CTNND2: variants seen among roughly 807,000 people sequenced by gnomAD.
CTNND2 encodes catenin delta-2.
A neutral mutation model predicts 144.4 loss-of-function variants in CTNND2; 22 were observed. The ratio of observed to expected loss-of-function variants is 0.15; its 90% CI spans 0.11 to 0.22. The LOEUF (loss-of-function observed/expected upper bound fraction) is 0.22. Among genes scored for constraint, CTNND2 ranks in the 10% least tolerant of loss-of-function variants. The pLI, the probability that CTNND2 is intolerant of heterozygous loss-of-function variation, is 1.00. For synonymous variants in CTNND2, 751 were observed against 695.6 expected (o/e 1.08, Z -1.25); for missense variants, 1,353 against 1,618.8 (o/e 0.84, Z 2.82).
chr5:11,357,401 TATC>T (rs1341544265), intron 8 of CTNND2, among the ~76,000 whole-genome samples: 1 of 151,826 alleles, frequency 6.6e-6, no homozygotes, highest in East Asian at 1.9e-4. Context: ...AGCCTGGAGG[TATC>T]ATGCTAAGTA....
intron 1 of CTNND2, among the ~76,000 whole-genome samples, chr5:11,812,251 T>G (rs1296270067): frequency 6.6e-6 from 1 of 152,206 alleles, no homozygotes; most frequent in Non-Finnish European, 1.5e-5. Context: ...TGCTTTTTCT[T>G]GCTTTTCCAG....
chr5:11,355,101 A>G (rs1755724730), intron 8 of CTNND2, among the ~76,000 whole-genome samples: 1 of 152,200 alleles, frequency 6.6e-6, no homozygotes, highest in Non-Finnish European at 1.5e-5. Context: ...AAGCAGTTAT[A>G]AGAAGGAGTT....
intron 3 of CTNND2, among the ~76,000 whole-genome samples, chr5:11,523,842 C>A (rs897619422): frequency 1.6e-4 from 24 of 152,172 alleles, no homozygotes; most frequent in African/African-American, 5.6e-4. Context: ...GGGCTTACAA[C>A]AATGAGCCCA....
intron 9 of CTNND2, among the ~76,000 whole-genome samples, chr5:11,269,783 TCCC>T (rs1745808428): frequency 6.6e-6 from 1 of 151,996 alleles, no homozygotes; most frequent in Admixed American, 6.6e-5. Context: ...GTAAAATCCC[TCCC>T]CCCTCAGAAT....
At chr5:11,483,295 G>T (rs1768458480) in intron 3 of CTNND2, among the ~76,000 whole-genome samples, 1 of 152,188 alleles carries the variant, frequency 6.6e-6, no homozygotes, top group African/African-American at 2.4e-5. Context: ...ACCTGGGAAA[G>T]GCCACTCAGG....
intron 2 of CTNND2, among the ~76,000 whole-genome samples, chr5:11,726,056 G>T (rs1403256940): frequency 6.6e-6 from 1 of 152,070 alleles, no homozygotes; most frequent in Non-Finnish European, 1.5e-5. Context: ...AATTAATGAT[G>T]ACATATTTTC....
At chr5:11,730,015 G>A (rs1048097026) in intron 2 of CTNND2, among the ~76,000 whole-genome samples, 7 of 151,612 alleles carry the variant, frequency 4.6e-5, no homozygotes, top group African/African-American at 1.2e-4. Flanking sequence ...TTTTGTATTC[G>A]TTTATTTCTC....
chr5:11,348,173 G>A (rs957868596), intron 8 of CTNND2, among the ~76,000 whole-genome samples: 8 of 152,094 alleles, frequency 5.3e-5, no homozygotes, highest in African/African-American at 1.9e-4. Context: ...AATCAGATTA[G>A]GCTAATAAAC....
At chr5:11,181,713 GGTGT>G (rs764261555) in intron 11 of CTNND2, among the ~76,000 whole-genome samples, 1 of 150,076 alleles carries the variant, frequency 6.7e-6, no homozygotes, top group Non-Finnish European at 1.5e-5. Flanking sequence ...GTATGCGTGT[GGTGT>G]GTGTGTGTGT....
chr5:11,813,167 C>T (rs1256669753), intron 1 of CTNND2, among the ~76,000 whole-genome samples: 2 of 152,208 alleles, frequency 1.3e-5, no homozygotes, highest in African/African-American at 4.8e-5. Context: ...CATTGTGTTA[C>T]AATTGCCTAC....
chr5:11,289,010 G>A (rs1393507480), intron 9 of CTNND2, among the ~76,000 whole-genome samples: 1 of 152,124 alleles, frequency 6.6e-6, no homozygotes, highest in Non-Finnish European at 1.5e-5. Flanking sequence ...GAATCCCCAT[G>A]TGGCCTTTAC....
At position 11,123,544 on chromosome 5, in the gene CTNND2, G is replaced by C. The variant is rs572178581; in HGVS notation, c.2160-5977C>G. On this transcript the variant is annotated intron_variant, in intron 12 of 21. Transcript: ENST00000304623. ...GAGGCTGAGAGGTCTGCTCTGGATA[G>C]CTGGGCTCCATGAGGATCTAATCTA... Among the ~76,000 whole-genome samples the C allele has an allele frequency of 1.1e-4, 17 of 152,358 alleles. 1 individual carries two copies. The South Asian group carries it at 3.3e-3, about 30-fold the overall frequency.
intron 9 of CTNND2, among the ~76,000 whole-genome samples, chr5:11,342,603 G>T (rs192389873): frequency 6.6e-6 from 1 of 152,282 alleles, no homozygotes; most frequent in Non-Finnish European, 1.5e-5. Flanking sequence ...AATCAAACAC[G>T]ATTAAAAGTT....
chr5:11,305,529 T>C (rs982450729), intron 9 of CTNND2, among the ~76,000 whole-genome samples: 11 of 152,190 alleles, frequency 7.2e-5, no homozygotes, highest in African/African-American at 2.7e-4. Flanking sequence ...TCCTATTGAA[T>C]TGTTTATGCA....
chr5:11,125,337 T>C (rs1754572375), intron 12 of CTNND2, among the ~76,000 whole-genome samples: 1 of 152,152 alleles, frequency 6.6e-6, no homozygotes, highest in Non-Finnish European at 1.5e-5. Flanking sequence ...TGTAGCTTCT[T>C]TGAAAAAAGG....
intron 9 of CTNND2, among the ~76,000 whole-genome samples, chr5:11,240,334 A>G (rs1301951682): frequency 7.4e-6 from 1 of 134,972 alleles, no homozygotes; most frequent in Non-Finnish European, 1.6e-5. Flanking sequence ...CACACCCAAC[A>G]CACATACACC....
Position 11,829,757 on chromosome 5 carries a change from G to A in CTNND2, c.37+74060C>T, listed in dbSNP as rs57145903. ...AGAGTCCCTACTGAGGCACTGCCTC[G>A]TGGAGCTGTGAGAAGAGGGCCACCA... On this transcript the variant is annotated intron_variant, in intron 1 of 21. Coordinates refer to ENST00000304623, the MANE Select transcript of CTNND2 (RefSeq NM_001332.4). Among the ~76,000 whole-genome samples the A allele has an allele frequency of 7.7e-3, 1,180 of 152,304 alleles. 12 individuals are homozygous for A. Among genetic ancestry groups the A allele is most frequent in the African/African-American group, 0.026 (1,097 of 41,562 alleles).
At chr5:11,111,310 C>T (rs1181282123) in intron 13 of CTNND2, among the ~76,000 whole-genome samples, 1 of 152,190 alleles carries the variant, frequency 6.6e-6, no homozygotes, top group African/African-American at 2.4e-5. Flanking sequence ...TTGAAATTCA[C>T]TTGTGAGAAG....
intron 2 of CTNND2, among the ~76,000 whole-genome samples, chr5:11,644,021 T>C (rs1027600692): frequency 6.6e-6 from 1 of 152,126 alleles, no homozygotes; most frequent in Non-Finnish European, 1.5e-5. Context: ...AGCAGACCAA[T>C]GATTGGAAGG....
Sources: allele counts gnomAD v4.1 joint callset (sites outside exome capture counted in the v4.1 genomes callset), GRCh38; gene constraint gnomAD v4.1.1; transcripts MANE v1.5; gene names NCBI Gene and HGNC (gene_info 2026-07-23, HGNC 2026-07-21).